The following CLNK variants were observed in gnomAD, a reference collection of about 807,000 sequenced individuals.
The protein encoded by CLNK is cytokine dependent hematopoietic cell linker.
CLNK carries 74 observed loss-of-function variants against 68.6 expected under a neutral mutation model. The observed-to-expected ratio is 1.08, with a 90% CI of 0.89 to 1.31. The LOEUF (loss-of-function observed/expected upper bound fraction) is 1.31. CLNK is among the 50% of genes most tolerant of loss of function. The probability of loss-of-function intolerance (pLI) is 0.00; values close to 1 mark genes in which losing one functional copy is unlikely to be tolerated. For missense variants in CLNK, 553 were observed against 515.3 expected (o/e 1.07, Z -0.71); for synonymous variants, 198 against 172.2 (o/e 1.15, Z -1.17).
chr4:10,714,759 A>G, the CLNK span, among the ~76,000 whole-genome samples: 1 of 151,862 alleles, frequency 6.6e-6, no homozygotes, highest in Non-Finnish European at 1.5e-5. Flanking sequence ...TTTAAGTTAA[A>G]TATTGCAAAT....
chr4:10,554,325 G>C (rs1278568097), intron 8 of CLNK, among the ~76,000 whole-genome samples: 1 of 152,198 alleles, frequency 6.6e-6, no homozygotes, highest in South Asian at 2.1e-4. Flanking sequence ...GTAAAAGGCA[G>C]TTCTTGTACA....
At chr4:10,546,585 G>C (rs1437156077) in intron 8 of CLNK, among the ~76,000 whole-genome samples, 1 of 152,082 alleles carries the variant, frequency 6.6e-6, no homozygotes, top group Non-Finnish European at 1.5e-5. Context: ...ACTTTACTTA[G>C]CCTTCTTGTC....
intron 1 of CLNK, among the ~76,000 whole-genome samples, chr4:10,670,881 G>A (rs1186239744): frequency 2.6e-5 from 4 of 152,168 alleles, no homozygotes; most frequent in African/African-American, 4.8e-5. Flanking sequence ...GGATGGAAAC[G>A]CAAGGGATCA....
intron 2 of CLNK, among the ~76,000 whole-genome samples, chr4:10,666,659 A>G (rs898237645): frequency 2.6e-5 from 4 of 152,248 alleles, no homozygotes; most frequent in Admixed American, 6.5e-5. Context: ...TCCTGCTGTA[A>G]GGATCGGGGA....
chr4:10,659,970 G>T (rs1223659698), intron 2 of CLNK, among the ~76,000 whole-genome samples: 3 of 152,094 alleles, frequency 2.0e-5, no homozygotes, highest in Non-Finnish European at 2.9e-5. Context: ...GGGAATGTTG[G>T]GCCAATGCAA....
chr4:10,518,919 T>C (rs1337604025), intron 15 of CLNK, among the ~76,000 whole-genome samples: 2 of 152,178 alleles, frequency 1.3e-5, no homozygotes, highest in African/African-American at 4.8e-5. Flanking sequence ...GTACTGGTGA[T>C]CCAGGCATGA....
intron 12 of CLNK, chr4:10,531,837 A>C: frequency 2.2e-6 from 1 of 461,576 alleles, no homozygotes; most frequent in Non-Finnish European, 4.3e-6. Context: ...CAGGATTCCT[A>C]CCCAGGTCTT....
chr4:10,545,292 C>T (rs781226955), intron 8 of CLNK, among the ~76,000 whole-genome samples: 2 of 152,186 alleles, frequency 1.3e-5, no homozygotes, highest in Non-Finnish European at 2.9e-5. Context: ...ATAAGGTACA[C>T]ATTCCTATTC....
At chr4:10,592,158 T>A (rs1721202643) in intron 3 of CLNK, among the ~76,000 whole-genome samples, 1 of 152,250 alleles carries the variant, frequency 6.6e-6, no homozygotes, top group Non-Finnish European at 1.5e-5. Context: ...TCATTTATTA[T>A]TTAAATCTCA....
intron 7 of CLNK, among the ~76,000 whole-genome samples, chr4:10,562,239 T>C (rs190160026): frequency 2.0e-5 from 3 of 151,836 alleles, no homozygotes; most frequent in Non-Finnish European, 4.4e-5. Context: ...TGGAAGCACA[T>C]AGAAATACTG....
chr4:10,603,275 A>G (rs1412049202), intron 2 of CLNK, among the ~76,000 whole-genome samples: 1 of 152,220 alleles, frequency 6.6e-6, no homozygotes, highest in Non-Finnish European at 1.5e-5. Context: ...GATTTTTGGC[A>G]CAAACATCAT....
chr4:10,587,424 CT>C (rs1200508296), intron 3 of CLNK, among the ~76,000 whole-genome samples: 1 of 152,202 alleles, frequency 6.6e-6, no homozygotes, highest in Admixed American at 6.5e-5. Flanking sequence ...TTGTTTGTGC[CT>C]TTAATAATCC....
At chr4:10,606,114 TAAAAC>T (rs1258420702) in intron 2 of CLNK, among the ~76,000 whole-genome samples, 2 of 152,244 alleles carry the variant, frequency 1.3e-5, no homozygotes, top group Non-Finnish European at 2.9e-5. Flanking sequence ...TAATAACACT[TAAAAC>T]AAAAACACAT....
Position 10,554,179 on chromosome 4 carries a change from C to T in CLNK, c.445+4228G>A, listed in dbSNP as rs995293897. 3.9e-5 allele frequency among the ~76,000 whole-genome samples: 6 copies of T among 152,220 alleles called. No homozygotes were observed. The East Asian group carries it at 5.8e-4, about 15-fold the overall frequency. On this transcript the variant is annotated intron_variant, in intron 8 of 18. Transcript: ENST00000226951. ...AATGTCCTGCTTCTGAAGAACCCCT[C>T]CATCCAGAGCAAACTGGGATGGTTG...
chr4:10,567,027 T>G (rs2108824552), intron 5 of CLNK, among the ~76,000 whole-genome samples: 1 of 148,058 alleles, frequency 6.8e-6, no homozygotes, highest in Admixed American at 6.9e-5. Context: ...AAAATAGAAA[T>G]ACTTTGCAAA....
chr4:10,579,721 A>G (rs901123862), intron 4 of CLNK, among the ~76,000 whole-genome samples: 1 of 152,226 alleles, frequency 6.6e-6, no homozygotes, highest in Non-Finnish European at 1.5e-5. Flanking sequence ...GGGTCCACCC[A>G]AACTTGGTGA....
At chr4:10,598,769 C>T (rs980701380) in intron 2 of CLNK, 6 of 376,094 alleles carry the variant, frequency 1.6e-5, no homozygotes, top group Admixed American at 3.1e-5. Flanking sequence ...CTTTCTTTTG[C>T]AGGCATTTCA....
chr4:10,601,541 A>C (rs1721591060), intron 2 of CLNK, among the ~76,000 whole-genome samples: 1 of 152,154 alleles, frequency 6.6e-6, no homozygotes. Context: ...ATGCTGGGAG[A>C]TTTATAAACT....
At chr4:10,651,898 T>A (rs1184803626) in intron 2 of CLNK, among the ~76,000 whole-genome samples, 1 of 150,724 alleles carries the variant, frequency 6.6e-6, no homozygotes, top group African/African-American at 2.4e-5. Context: ...ATAGAATATA[T>A]AATAAACATA....
Sources: gnomAD v4.1 joint callset for allele counts (sites outside exome capture counted in the v4.1 genomes callset) on GRCh38, gnomAD v4.1.1 for gene constraint, MANE v1.5 for transcripts, NCBI Gene and HGNC (gene_info 2026-07-23, HGNC 2026-07-21) for gene names.